REEP4: variants seen among roughly 807,000 people sequenced by gnomAD.
REEP4 encodes the protein receptor accessory protein 4.
REEP4 carries 17 observed loss-of-function variants against 33.5 expected under a neutral mutation model. That is an observed-to-expected ratio of 0.51 (90% CI 0.35 to 0.76). REEP4 has a LOEUF of 0.76. Ranked by LOEUF, REEP4 falls within the 30% of genes least tolerant of loss-of-function variation. The pLI is 0.01. For synonymous variants in REEP4, 157 were observed against 142.9 expected (o/e 1.10, Z -0.70); for missense variants, 340 against 357.9 (o/e 0.95, Z 0.40).
intron 5 of REEP4, 119 bp from the exon 6 acceptor site, chr8:22,139,180 A>T: frequency 7.2e-7 from 1 of 1,383,664 alleles, no homozygotes; most frequent in Non-Finnish European, 9.9e-7. Flanking sequence ...CCCCGCGCCA[A>T]TGTGGCACCA....
chr8:22,138,598 C>T (rs1372532014), intron 7 of REEP4, 41 bp downstream of exon 7: 5 of 1,613,802 alleles, frequency 3.1e-6, no homozygotes, highest in Non-Finnish European at 3.4e-6. Flanking sequence ...GAGCACCAGC[C>T]AGCAGAGCCC....
At chr8:22,139,381 A>T (rs1172733732) in intron 5 of REEP4, 35 bp downstream of exon 5, 1 of 1,537,220 alleles carries the variant, frequency 6.5e-7, no homozygotes, top group Non-Finnish European at 8.9e-7. Flanking sequence ...TAGGGGTGGG[A>T]TGGGGGCTGC....
rs754973408 is a variant in REEP4 at position 22,138,456 on chromosome 8, C to T, written c.*31G>A. The T allele has an allele frequency of 6.8e-6, 11 of 1,611,202 alleles. No homozygotes were observed. Among genetic ancestry groups the T allele is most frequent in the African/African-American group, 5.3e-5 (4 of 74,910 alleles). On this transcript the variant is annotated 3_prime_UTR_variant, in exon 8 of 8. Coordinates refer to ENST00000306306, the MANE Select transcript of REEP4 (RefSeq NM_025232.4). Reference sequence around the variant, plus strand: ...AATAGCCCTGGAGCCCTGCAGGGCACGAGGTAAGAAGGGGGCAGATGCAGC... The same window carrying T: ...AATAGCCCTGGAGCCCTGCAGGGCATGAGGTAAGAAGGGGGCAGATGCAGC...
rs748252742 is a variant in REEP4, at chr8:22,139,276, T to C, written c.417+140A>G. The stretch of plus-strand genomic sequence containing the variant: ...GGAAGGTCTGACTCCAGCTCCACGC[T>C]TCTGCCAATACCCCCCCGTCACCTT... On this transcript the variant is annotated intron_variant, in intron 5 of 7. Coordinates refer to ENST00000306306, the MANE Select transcript of REEP4 (RefSeq NM_025232.4). 2.4e-5 allele frequency: 22 copies of C among 923,296 alleles called. No individual in the cohort carries two copies. In the South Asian group the frequency reaches 3.1e-4, roughly 13 times the overall value. 57.2% of individuals were successfully genotyped at this position (923,296 alleles called of 1,614,324 possible).
At chr8:22,139,825 C>G in intron 4 of REEP4, 138 bp downstream of exon 4, 1 of 1,049,206 alleles carries the variant, frequency 9.5e-7, no homozygotes, top group East Asian at 2.6e-5. Flanking sequence ...GTAGGCTGGG[C>G]CCTGTCAAGG....
At chr8:22,139,220 C>T (rs1395638225) in intron 5 of REEP4, 159 bp from the exon 6 acceptor site, 2 of 1,053,184 alleles carry the variant, frequency 1.9e-6, no homozygotes, top group Non-Finnish European at 1.4e-6. Flanking sequence ...GAGCAGGAGC[C>T]GCTGCTTACG....
intron 6 of REEP4, 47 bp from the exon 7 acceptor site, chr8:22,138,840 C>T (rs1827174556): frequency 6.4e-7 from 1 of 1,565,468 alleles, no homozygotes; most frequent in South Asian, 1.2e-5. Flanking sequence ...CCAGGCCAGC[C>T]CTTCCTCGAG....
rs778549491 is a variant in REEP4, at chr8:22,138,524, G to T, written c.737C>A (p.Thr246Lys). Residue 246 changes from threonine (T) to lysine (K), a missense_variant, in exon 8 of 8, where the codon ACG becomes AAG. Coordinates refer to ENST00000306306, the MANE Select transcript of REEP4 (RefSeq NM_025232.4). ...EGTSRSLKVR[T>K]RKKTVPSDVD... ...GTCTGAGGGCACAGTCTTTTTCCTCGTCCGAACCTTCAGGGAGCGCGAGGT... is the reference window on the plus strand; with the variant it reads ...GTCTGAGGGCACAGTCTTTTTCCTCTTCCGAACCTTCAGGGAGCGCGAGGT... 6.2e-7 allele frequency: 1 copy of T among 1,613,888 alleles called. No homozygotes were observed. Among genetic ancestry groups the T allele is most frequent in the South Asian group, 1.1e-5 (1 of 91,088 alleles).
chr8:22,139,319 G>C, intron 5 of REEP4, 97 bp downstream of exon 5: 1 of 1,088,834 alleles, frequency 9.2e-7, no homozygotes, highest in Non-Finnish European at 1.4e-6. Flanking sequence ...CTGCTCCCCG[G>C]CTGCCATCTC....
rs1024687648 is a variant in REEP4 at position 22,141,556 on chromosome 8, G to A, written c.-74C>T. The stretch of plus-strand genomic sequence containing the variant: ...GGACGTTCACTCAAGGGCTGGGACG[G>A]GGGGTGATCAGGGCAGTTGCGGGAA... On this transcript the variant is annotated 5_prime_UTR_variant, in exon 1 of 8. Transcript: ENST00000306306. 5 of 1,510,220 alleles carry A rather than the reference G, an allele frequency of 3.3e-6. No homozygotes were observed. Among genetic ancestry groups the A allele is most frequent in the Non-Finnish European group, 4.5e-6 (5 of 1,116,414 alleles). The allele number at this position is 1,510,220 out of a possible 1,614,324, so 93.6% of individuals were successfully genotyped here. A position where few individuals can be genotyped will look rare whatever the true frequency, so the allele number is the denominator to read the frequency against.
At chr8:22,140,563 C>A in intron 2 of REEP4, 62 bp downstream of exon 2, 1 of 1,447,942 alleles carries the variant, frequency 6.9e-7, no homozygotes, top group South Asian at 1.3e-5. Context: ...GAGGGAGAGG[C>A]CAACTGAGAC....
Position 22,140,667 on chromosome 8 carries a change from A to G in REEP4, c.63T>C (p.Tyr21=). The part of the protein sequence containing the change: ...VLVFGMLCPA[Y]ASYKAVKTKN... ...TGGTCTTCACAGCCTTATAGGAAGC[A>G]TAAGCTGGACACAGCATCCCAAACA... Residue 21 remains tyrosine, a synonymous_variant, in exon 2 of 8, where the codon TAT becomes TAC. Transcript: ENST00000306306. 6.2e-7 allele frequency: 1 copy of G among 1,613,996 alleles called. No individual in the cohort carries two copies. Among genetic ancestry groups the G allele is most frequent in the South Asian group, 1.1e-5 (1 of 91,072 alleles).
chr8:22,138,361 C>T lies in REEP4; in HGVS notation c.*126G>A. ...TCTGCTCCCGGCCCTTAACCATCAG[C>T]AGGAGTCAGGAGGGTGGGGCCCAGG... On this transcript the variant is annotated 3_prime_UTR_variant, in exon 8 of 8. Coordinates refer to ENST00000306306, the MANE Select transcript of REEP4 (RefSeq NM_025232.4). 1.8e-6 allele frequency: 2 copies of T among 1,103,826 alleles called. No individual in the cohort carries two copies. The highest frequency in any genetic ancestry group is 2.7e-6 in the Non-Finnish European group (2 of 740,728). 68.4% of individuals were successfully genotyped at this position (1,103,826 alleles called of 1,614,324 possible). A position where few individuals can be genotyped will look rare whatever the true frequency, so the allele number is the denominator to read the frequency against.
rs754240846 is a variant in REEP4, at chr8:22,140,074, G to A, written c.192C>T (p.Phe64=). 6.2e-7 allele frequency: 1 copy of A among 1,613,940 alleles called. No individual in the cohort carries two copies. The highest frequency in any genetic ancestry group is 8.5e-7 in the Non-Finnish European group (1 of 1,179,886). ...VTDIFISWFP[F]YYEIKMAFVL... is the part of the protein sequence containing the mutation. ...CGAAGGCCATCTTGATCTCATAGTA[G>A]AAAGGGAACCTGTCACAGCACAAGG... Residue 64 remains phenylalanine (F), a synonymous_variant, in exon 4 of 8, where the codon TTC becomes TTT. Transcript: ENST00000306306.
chr8:22,138,540 A>G lies in REEP4; in HGVS notation c.721T>C (p.Ser241Pro). 1.2e-6 allele frequency: 2 copies of G among 1,613,920 alleles called. No individual in the cohort carries two copies. The highest frequency in any genetic ancestry group is 1.1e-5 in the South Asian group (1 of 91,086). ...KPPVREGTSR[S>P]LKVRTRKKTV... ...TTTTTCCTCGTCCGAACCTTCAGGG[A>G]GCGCGAGGTGCCCTGGGGAAAGGGG... The change falls in exon 8 of 8, where the codon TCC (serine) becomes CCC (proline). Residue 241 changes from serine to proline, a missense_variant. Ser to Pro is a moderately conservative substitution (Grantham distance 74). Transcript: ENST00000306306.
rs747255585 is a variant in REEP4 at position 22,140,248 on chromosome 8, C to A, written c.106G>T (p.Val36Leu). Reference sequence around the variant, plus strand: ...ACAATCCAGTACATCATCCACCGCACCTGTGGGGTGAGCGCCCAGAGGTCA... The same window carrying A: ...ACAATCCAGTACATCATCCACCGCAACTGTGGGGTGAGCGCCCAGAGGTCA... Reference protein sequence around the residue: ...AVKTKNIREYVRWMMYWIVFA... With the variant: ...AVKTKNIREYLRWMMYWIVFA... The change falls in exon 3 of 8, where the codon GTG becomes TTG. Residue 36 changes from valine to leucine, a missense_variant and splice_region_variant. Val to Leu is a conservative substitution (Grantham distance 32, BLOSUM62 1). Coordinates refer to ENST00000306306, the MANE Select transcript of REEP4 (RefSeq NM_025232.4). 16 of 1,613,984 alleles carry A rather than the reference C, an allele frequency of 9.9e-6. No homozygotes were observed. The South Asian group carries it at 1.6e-4, about 17-fold the overall frequency.
rs377657150 is a variant in REEP4 at position 22,141,549 on chromosome 8, T to C, written c.-67A>G. The stretch of plus-strand genomic sequence containing the variant: ...CTCAGAAGGACGTTCACTCAAGGGC[T>C]GGGACGGGGGGTGATCAGGGCAGTT... On this transcript the variant is annotated 5_prime_UTR_variant, in exon 1 of 8. Transcript: ENST00000306306. 3.2e-6 allele frequency: 5 copies of C among 1,538,780 alleles called. No individual in the cohort carries two copies. The African/African-American group carries it at 6.9e-5, about 21-fold the overall frequency.
At position 22,138,347 on chromosome 8, in the gene REEP4, C is replaced by T. The variant is rs769979262; in HGVS notation, c.*140G>A. On this transcript the variant is annotated 3_prime_UTR_variant, in exon 8 of 8. Transcript: ENST00000306306. ...TGGCCTTGGCAGCATCTGCTCCCGG[C>T]CCTTAACCATCAGCAGGAGTCAGGA... The T allele has an allele frequency of 3.0e-6, 3 of 985,060 alleles. No individual in the cohort carries two copies. Among genetic ancestry groups the T allele is most frequent in the Non-Finnish European group, 4.7e-6 (3 of 637,502 alleles). The allele number at this position is 985,060 out of a possible 1,614,324, so 61.0% of individuals were successfully genotyped here. A position where few individuals can be genotyped will look rare whatever the true frequency, so the allele number is the denominator to read the frequency against.
chr8:22,139,467 C>T lies in REEP4; in HGVS notation c.366G>A (p.Gly122=), dbSNP rs1270226642. The T allele has an allele frequency of 6.2e-7, 1 of 1,610,462 alleles. No individual in the cohort carries two copies. Among genetic ancestry groups the T allele is most frequent in the South Asian group, 1.1e-5 (1 of 91,070 alleles). ...ERSYETVLSF[G]KRGLNIAASA... The stretch of plus-strand genomic sequence containing the variant: ...AGGCGGCAATGTTGAGGCCCCGCTT[C>T]CCGAAGCTGAGCACGGTCTCGTAGC... The change falls in exon 5 of 8, where the codon GGG becomes GGA. Residue 122 remains glycine (G), a synonymous_variant. Coordinates refer to ENST00000306306, the MANE Select transcript of REEP4 (RefSeq NM_025232.4).
Sources: gnomAD v4.1 joint callset for allele counts on GRCh38, gnomAD v4.1.1 for gene constraint, MANE v1.5 for transcripts, NCBI Gene and HGNC (gene_info 2026-07-23, HGNC 2026-07-21) for gene names.